The following SEC23A variants were observed in gnomAD, a reference collection of about 807,000 sequenced individuals.
SEC23A encodes the protein protein transport protein Sec23A.
In SEC23A, 56 loss-of-function variants were observed where a neutral mutation model predicts 103.7. The ratio of observed to expected loss-of-function variants is 0.54; its 90% CI spans 0.44 to 0.67. The LOEUF (loss-of-function observed/expected upper bound fraction) is 0.67, where lower values mean the gene tolerates loss of function less well. SEC23A is among the 30% of genes least tolerant of loss of function. The pLI, the probability that SEC23A is intolerant of heterozygous loss-of-function variation, is 0.00. For missense variants in SEC23A, 784 were observed against 936.4 expected, an observed-to-expected ratio of 0.84 and a Z score of 2.12; for synonymous variants, 281 against 293.0, an observed-to-expected ratio of 0.96 and a Z score of 0.42.
chr14:39,053,059 C>T (rs559412043), intron 14 of SEC23A, among the ~76,000 whole-genome samples: 2 of 152,274 alleles, frequency 1.3e-5, no homozygotes, highest in Admixed American at 1.3e-4. Context: ...CACGTGAACC[C>T]AGGAGGCAGA....
chr14:39,100,490 G>A (rs1172422564), intron 1 of SEC23A, among the ~76,000 whole-genome samples: 7 of 148,818 alleles, frequency 4.7e-5, no homozygotes, highest in East Asian at 3.9e-4. Context: ...TCGGCTCACC[G>A]CAAACTCCTC....
chr14:39,056,921 A>G (rs1168740026), intron 13 of SEC23A, among the ~76,000 whole-genome samples: 2 of 152,172 alleles, frequency 1.3e-5, no homozygotes, highest in East Asian at 3.8e-4. Flanking sequence ...TAGTCCAGTC[A>G]GCATGGTGGC....
chr14:39,051,449 A>T (rs1191373109), intron 14 of SEC23A, among the ~76,000 whole-genome samples: 1 of 152,198 alleles, frequency 6.6e-6, no homozygotes, highest in African/African-American at 2.4e-5. Context: ...TGTGAGGTTT[A>T]TGTAATTTTG....
intron 14 of SEC23A, among the ~76,000 whole-genome samples, chr14:39,052,758 C>T (rs1317239998): frequency 1.3e-5 from 2 of 152,078 alleles, no homozygotes; most frequent in African/African-American, 4.8e-5. Flanking sequence ...CAACTTATTA[C>T]CTAGAAAAGG....
rs754222840 is a variant in SEC23A at position 39,086,967 on chromosome 14, T to C, written c.645A>G (p.Thr215=). The C allele has an allele frequency of 5.6e-6, 9 of 1,598,188 alleles. No individual in the cohort carries two copies. In the South Asian group the frequency reaches 9.9e-5, roughly 18 times the overall value. ...GTGGCTGCTGTACCTGAGGACCACG[T>C]GTTGCTTGAGTAAGTGGTACTTTAG... ...GLSKVPLTQA[T]RGPQVQQPPP... Residue 215 remains threonine (T), a synonymous_variant, in exon 6 of 20, where the codon ACA becomes ACG. Transcript: ENST00000307712.
intron 7 of SEC23A, among the ~76,000 whole-genome samples, chr14:39,076,965 G>A (rs180849580): frequency 7.1e-6 from 1 of 140,558 alleles, no homozygotes; most frequent in East Asian, 2.2e-4. Context: ...AGTGGCTGAC[G>A]CCTGTAATCC....
At chr14:39,094,013 C>G (rs1416547553) in intron 2 of SEC23A, among the ~76,000 whole-genome samples, 1 of 151,424 alleles carries the variant, frequency 6.6e-6, no homozygotes, top group African/African-American at 2.4e-5. Flanking sequence ...GATGCACAAA[C>G]AAGAAAATAC....
At chr14:39,079,733 A>G (rs1310587639) in intron 7 of SEC23A, among the ~76,000 whole-genome samples, 1 of 152,068 alleles carries the variant, frequency 6.6e-6, no homozygotes, top group Non-Finnish European at 1.5e-5. Flanking sequence ...GAGGCAGGAG[A>G]ATTGCTTAAA....
At chr14:39,074,573 C>A in intron 8 of SEC23A, 43 bp from the exon 9 acceptor site, 1 of 1,259,246 alleles carries the variant, frequency 7.9e-7, no homozygotes, top group South Asian at 1.2e-5. Flanking sequence ...CAAAATTGTC[C>A]TATAAATCTT....
In SEC23A at chr14:39,093,230, C is replaced by T. The variant is rs769284175; in HGVS notation, c.236G>A (p.Arg79Gln). ...VLNPLCQVDY[R>Q]AKLWACNFCY... ...AAAGTTGCAAGCCCAAAGTTTTGCT[C>T]GATAATCCACTTGACTGTTTTAAAA... The change falls in exon 3 of 20, where the codon CGA (arginine) becomes CAA (glutamine). Residue 79 changes from arginine (R) to glutamine (Q), a missense_variant. Arg to Gln is a conservative substitution (Grantham distance 43). Transcript: ENST00000307712. 16 of 1,610,998 alleles carry T rather than the reference C, an allele frequency of 9.9e-6. No homozygotes were observed. The highest frequency in any genetic ancestry group is 4.5e-5 in the East Asian group (2 of 44,812).
chr14:39,042,922 CT>C, intron 16 of SEC23A, 50 bp from the exon 17 acceptor site: 1 of 1,044,390 alleles, frequency 9.6e-7, no homozygotes. Context: ...AAATAATCTA[CT>C]CAATAATATA....
At chr14:39,064,838 C>T (rs1476330049) in intron 11 of SEC23A, 75 bp downstream of exon 11, 29 of 1,081,080 alleles carry the variant, frequency 2.7e-5, no homozygotes, top group Admixed American at 8.4e-5. Flanking sequence ...CCTCAGCTTC[C>T]CAAGTACCTG....
At chr14:39,045,359 T>C (rs1465077375) in intron 15 of SEC23A, 35 bp from the exon 16 acceptor site, 1 of 1,538,000 alleles carries the variant, frequency 6.5e-7, no homozygotes, top group African/African-American at 1.4e-5. Context: ...TTGTTACTGA[T>C]TTTAATATTA....
chr14:39,083,859 C>T (rs1887326615), intron 7 of SEC23A, among the ~76,000 whole-genome samples: 1 of 151,960 alleles, frequency 6.6e-6, no homozygotes, highest in Admixed American at 6.6e-5. Flanking sequence ...GCCAACACGC[C>T]AAGCCCAAAA....
At chr14:39,087,045 A>G in intron 5 of SEC23A, 37 bp from the exon 6 acceptor site, 1 of 1,152,746 alleles carries the variant, frequency 8.7e-7, no homozygotes, top group East Asian at 2.3e-5. Context: ...TCATTTAATT[A>G]CTTTTACAAA....
chr14:39,086,023 T>A (rs1050450657), intron 6 of SEC23A, 117 bp from the exon 7 acceptor site: 3 of 914,952 alleles, frequency 3.3e-6, no homozygotes, highest in Non-Finnish European at 5.3e-6. Flanking sequence ...AGCAGACCAA[T>A]GGTTCTCAAA....
At chr14:39,089,106 G>A (rs566081359) in intron 5 of SEC23A, among the ~76,000 whole-genome samples, 7 of 149,088 alleles carry the variant, frequency 4.7e-5, no homozygotes, top group Admixed American at 2.0e-4. Context: ...CTAAGGAGGC[G>A]GAGATTGCAA....
At position 39,067,224 on chromosome 14, in the gene SEC23A, T is replaced by G. The variant is rs761925126; in HGVS notation, c.1176A>C (p.Lys392Asn). ...CCATTTTAAACTGTCCATGCATGTC[T>G]TTGGTAAAGACTCTTTGAAAAGTTT... is the stretch of plus-strand genomic sequence containing the variant. Reference protein sequence around the residue: ...FKQTFQRVFTKDMHGQFKMGF... With the variant: ...FKQTFQRVFTNDMHGQFKMGF... Residue 392 changes from lysine (K) to asparagine (N), a missense_variant, in exon 10 of 20, where the codon AAA becomes AAC. Around this residue, in one of 2 missense-constraint regions of SEC23A, gnomAD observed 683 missense variants for 774.2 expected, o/e 0.88. Transcript: ENST00000307712. 1 of 1,613,876 alleles carries G rather than the reference T, an allele frequency of 6.2e-7. No individual in the cohort carries two copies. Among genetic ancestry groups the G allele is most frequent in the Non-Finnish European group, 8.5e-7 (1 of 1,179,874 alleles).
chr14:39,041,997 G>C (rs1885666202), intron 17 of SEC23A, among the ~76,000 whole-genome samples: 1 of 152,084 alleles, frequency 6.6e-6, no homozygotes. Context: ...ATGATGCCCA[G>C]GTTAGTCCTG....
Sources: gnomAD v4.1 joint callset for allele counts (sites outside exome capture counted in the v4.1 genomes callset) on GRCh38, gnomAD v4.1.1 for gene constraint, gnomAD v4.1.1 regional missense constraint, MANE v1.5 for transcripts, NCBI Gene and HGNC (gene_info 2026-07-23, HGNC 2026-07-21) for gene names.